Variants in TIAL1 observed in about 807,000 individuals in gnomAD.
TIAL1 encodes nucleolysin TIAR.
Under a neutral mutation model 59.7 loss-of-function variants are expected in TIAL1, and 7 were observed. That is an observed-to-expected ratio of 0.12 (90% CI 0.07 to 0.22). The LOEUF is 0.22. Among genes scored for constraint, TIAL1 ranks in the 10% least tolerant of loss-of-function variants. The pLI, the probability that TIAL1 is intolerant of heterozygous loss-of-function variation, is 1.00. For synonymous variants in TIAL1, 149 were observed against 146.3 expected (o/e 1.02, Z -0.13); for missense variants, 225 against 462.5 (o/e 0.49, Z 4.71).
intron 5 of TIAL1, chr10:119,580,682 C>T: frequency 8.0e-6 from 8 of 997,164 alleles, no homozygotes; most frequent in South Asian, 4.2e-5. Context: ...AAATATAGAA[C>T]TCCACTGAAT....
chr10:119,580,230 G>T, intron 5 of TIAL1: 1 of 449,366 alleles, frequency 2.2e-6, no homozygotes, highest in Non-Finnish European at 3.8e-6. Context: ...TAATCAAATA[G>T]CCTGTGCTTT....
chr10:119,590,043 CTTAGGTTAAGT>C (rs1845771686), intron 1 of TIAL1, among the ~76,000 whole-genome samples: 2 of 152,132 alleles, frequency 1.3e-5, no homozygotes, highest in African/African-American at 4.8e-5. Flanking sequence ...ACTGAGAAAG[CTTAGGTTAAGT>C]AAAAAACTTA....
chr10:119,590,808 G>GAAAT (rs1554867760), intron 1 of TIAL1, among the ~76,000 whole-genome samples: 1 of 142,074 alleles, frequency 7.0e-6, no homozygotes, highest in Non-Finnish European at 1.5e-5. Context: ...AAGAAAGAAA[G>GAAAT]AAAGAAAGAA....
In TIAL1 at chr10:119,582,759, C is replaced by A; in HGVS notation, c.130-202G>T. 2 of 650,484 alleles carry A rather than the reference C, an allele frequency of 3.1e-6. No homozygotes were observed. Among genetic ancestry groups the A allele is most frequent in the Non-Finnish European group, 2.4e-6 (1 of 425,240 alleles). The allele number at this position is 650,484 out of a possible 1,614,324, so 40.3% of individuals were successfully genotyped here. A position where few individuals can be genotyped will look rare whatever the true frequency, so the allele number is the denominator to read the frequency against. Reference sequence around the variant, plus strand: ...AGAATACTGCTGAACTCAAACGGAACTATAAAAGCAGTTGTAGAATCATGA... The same window carrying A: ...AGAATACTGCTGAACTCAAACGGAAATATAAAAGCAGTTGTAGAATCATGA... On this transcript the variant is annotated intron_variant, in intron 2 of 11. Transcript: ENST00000436547. This position sits in a 1 kb window ranked among gnomAD's most constrained non-coding sequence, Gnocchi z 5.1.
Position 119,575,698 on chromosome 10 carries a change from G to A in TIAL1, c.1095C>T (p.Ala365=), listed in dbSNP as rs139964504. 9.9e-6 allele frequency: 16 copies of A among 1,611,302 alleles called. No homozygotes were observed. The East Asian group carries it at 1.1e-4, about 11-fold the overall frequency. Residue 365 remains alanine (A), a synonymous_variant, in exon 12 of 12, where the codon GCC becomes GCT. Transcript: ENST00000436547. ...TTTGGTAACTTGCCATACCATATCC[G>A]GCTTGGTTAGGAGGAGGTATTACAG... ...PPPVIPPPNQ[A]GYGMASYQTQ
intron 2 of TIAL1, among the ~76,000 whole-genome samples, chr10:119,586,517 A>G (rs895242248): frequency 6.6e-6 from 1 of 152,176 alleles, no homozygotes; most frequent in Non-Finnish European, 1.5e-5. Flanking sequence ...TCTATTCTCC[A>G]TAAAACAGTC....
At chr10:119,579,706 A>G (rs1845211675) in intron 6 of TIAL1, among the ~76,000 whole-genome samples, 1 of 152,188 alleles carries the variant, frequency 6.6e-6, no homozygotes. Flanking sequence ...GTACAAACAC[A>G]ATTTTAATAA....
At chr10:119,580,896 G>A (rs1845269856) in intron 5 of TIAL1, 1 of 1,081,698 alleles carries the variant, frequency 9.2e-7, no homozygotes, top group African/African-American at 1.7e-5. Context: ...TTGGACTTAA[G>A]AAAAACTGCA....
intron 2 of TIAL1, among the ~76,000 whole-genome samples, chr10:119,585,701 T>G (rs1449063953): frequency 6.6e-6 from 1 of 152,166 alleles, no homozygotes; most frequent in Non-Finnish European, 1.5e-5. Context: ...AATTTTCTAG[T>G]GAGTCTTTCC....
At chr10:119,586,410 C>G (rs1160559234) in intron 2 of TIAL1, among the ~76,000 whole-genome samples, 1 of 152,222 alleles carries the variant, frequency 6.6e-6, no homozygotes, top group Non-Finnish European at 1.5e-5. Context: ...ATCTTGACTT[C>G]GGCTAGCACT....
Position 119,577,179 on chromosome 10 carries a change from G to T in TIAL1, c.762C>A (p.Ala254=). ...TACCGTTCACCGAAACAATGGCATG[G>T]GCTGCACTTTCATGGGTTGAAAATC... is the stretch of plus-strand genomic sequence containing the variant. The part of the protein sequence containing the change: ...FVRFSTHESA[A]HAIVSVNGTT... The change falls in exon 10 of 12, where the codon GCC becomes GCA. Residue 254 remains alanine (A), a synonymous_variant. Coordinates refer to ENST00000436547, the MANE Select transcript of TIAL1 (RefSeq NM_003252.4). 1 of 1,604,254 alleles carries T rather than the reference G, an allele frequency of 6.2e-7. No individual in the cohort carries two copies.
intron 1 of TIAL1, among the ~76,000 whole-genome samples, 153 bp downstream of exon 1, chr10:119,596,281 G>A (rs1846184687): frequency 6.6e-6 from 1 of 152,142 alleles, no homozygotes. Context: ...AAGGAAAAGG[G>A]GACAGATGAG....
Position 119,580,004 on chromosome 10 carries a change from G to C in TIAL1, c.378C>G (p.Ala126=), listed in dbSNP as rs769265792. Residue 126 remains alanine, a synonymous_variant, in exon 6 of 12, where the codon GCC becomes GCG. Coordinates refer to ENST00000436547, the MANE Select transcript of TIAL1 (RefSeq NM_003252.4). ...CAGTTGCCATGTCTTTAACTACCCG[G>C]GCATCCCTGTGAAAAGAAGCACAGC... ...AFAPFGKISD[A]RVVKDMATGK... 1.1e-5 allele frequency: 17 copies of C among 1,609,338 alleles called. No individual in the cohort carries two copies. In the Admixed American group the frequency reaches 2.7e-4, roughly 26 times the overall value.
chr10:119,596,922 T>C lies in TIAL1; in HGVS notation c.-457A>G, dbSNP rs1846236884. ...AGAAACGTCGTGAAGCCGAAGTCTC[T>C]GGGAATTGTGGTCCTGGAAATGAGA... is the stretch of plus-strand genomic sequence containing the variant. On this transcript the variant is annotated 5_prime_UTR_variant, in exon 1 of 12. Transcript: ENST00000436547. The C allele has an allele frequency of 5.5e-6, 1 of 182,212 alleles. No homozygotes were observed. The highest frequency in any genetic ancestry group is 5.5e-5 in the Admixed American group (1 of 18,176). The allele number at this position is 182,212 out of a possible 1,614,324, so 11.3% of individuals were successfully genotyped here. A position where few individuals can be genotyped will look rare whatever the true frequency, so the allele number is the denominator to read the frequency against.
In TIAL1 at chr10:119,575,514, C is replaced by G; in HGVS notation, c.*151G>C. The G allele has an allele frequency of 4.2e-6, 4 of 955,662 alleles. No homozygotes were observed. Among genetic ancestry groups the G allele is most frequent in the Non-Finnish European group, 6.1e-6 (4 of 651,256 alleles). The allele number at this position is 955,662 out of a possible 1,614,324, so 59.2% of individuals were successfully genotyped here. On this transcript the variant is annotated 3_prime_UTR_variant, in exon 12 of 12. Transcript: ENST00000436547. Reference sequence around the variant, plus strand: ...AAAGGCAGAACTAGAAGACACGTGTCCTTCACCAAAGCAAATCTGTGCTAA... The same window carrying G: ...AAAGGCAGAACTAGAAGACACGTGTGCTTCACCAAAGCAAATCTGTGCTAA...
chr10:119,580,764 GA>G (rs1260686199), intron 5 of TIAL1: 11 of 1,080,264 alleles, frequency 1.0e-5, no homozygotes, highest in East Asian at 9.1e-5. Flanking sequence ...ATAGAAATGA[GA>G]AAAAAAATCT....
Position 119,588,221 on chromosome 10 carries a change from C to T in TIAL1, c.60G>A (p.Val20=). ...TLYVGNLSRD[V]TEVLILQLFS... ...ACAACTGAAGTATAAGGACTTCTGT[C>T]ACATCTCTGGAAAGGTTACCTACGT... is the stretch of plus-strand genomic sequence containing the variant. The change falls in exon 2 of 12, where the codon GTG becomes GTA. Residue 20 remains valine (V), a synonymous_variant. Transcript: ENST00000436547. 1.3e-6 allele frequency: 2 copies of T among 1,589,952 alleles called. No homozygotes were observed. The highest frequency in any genetic ancestry group is 1.7e-6 in the Non-Finnish European group (2 of 1,166,354).
chr10:119,592,360 G>A (rs55939019), intron 1 of TIAL1: 29,194 of 151,964 alleles, frequency 0.19, 3,262 homozygotes, highest in African/African-American at 0.3. Flanking sequence ...ATCCAATTTG[G>A]GGCTAAAAAC....
Position 119,582,665 on chromosome 10 carries a change from A to T in TIAL1, c.130-108T>A. ...GATAGCTGGGAATATACAAGGTGAG[A>T]CTGCATAAGCTTATGAAAGCCTAAC... is the stretch of plus-strand genomic sequence containing the variant. On this transcript the variant is annotated intron_variant, in intron 2 of 11. Transcript: ENST00000436547. This position sits in a 1 kb window ranked among gnomAD's most constrained non-coding sequence, Gnocchi z 5.1. The T allele has an allele frequency of 6.6e-7, 1 of 1,521,724 alleles. No homozygotes were observed. The highest frequency in any genetic ancestry group is 8.8e-7 in the Non-Finnish European group (1 of 1,138,662). The allele number at this position is 1,521,724 out of a possible 1,614,324, so 94.3% of individuals were successfully genotyped here.
Sources: gnomAD v4.1 joint callset for allele counts (sites outside exome capture counted in the v4.1 genomes callset) on GRCh38, gnomAD v4.1.1 for gene constraint, Gnocchi (gnomAD v3.1) non-coding constraint, MANE v1.5 for transcripts, NCBI Gene and HGNC (gene_info 2026-07-23, HGNC 2026-07-21) for gene names.